The following TCEA3 variants were observed in gnomAD, a reference collection of about 807,000 sequenced individuals.
TCEA3 encodes transcription elongation factor A protein 3.
In TCEA3, 36 loss-of-function variants were observed where a neutral mutation model predicts 44.0. That is an observed-to-expected ratio of 0.82 (90% CI 0.63 to 1.08). The LOEUF is 1.08. Ranked by LOEUF, TCEA3 falls within the 50% of genes least tolerant of loss-of-function variation. The probability of loss-of-function intolerance (pLI) is 0.00; values close to 1 mark genes in which losing one functional copy is unlikely to be tolerated. For synonymous variants in TCEA3, 162 were observed against 159.7 expected (o/e 1.01, Z -0.11); for missense variants, 392 against 441.2 (o/e 0.89, Z 1.00).
At chr1:23,422,763 C>T (rs372137058) in intron 1 of TCEA3, among the ~76,000 whole-genome samples, 2 of 152,302 alleles carry the variant, frequency 1.3e-5, no homozygotes, top group East Asian at 1.9e-4. Flanking sequence ...CTCCAAAAGA[C>T]ACCATTTCCT....
chr1:23,424,527 C>T (rs748781952), intron 1 of TCEA3, 38 bp downstream of exon 1: 2 of 1,579,174 alleles, frequency 1.3e-6, no homozygotes, highest in Admixed American at 1.7e-5. Flanking sequence ...CCGCGCCTCC[C>T]GGGGGCGGGG....
At chr1:23,382,274 G>A (rs141781252) in intron 10 of TCEA3, among the ~76,000 whole-genome samples, 4,466 of 152,036 alleles carry the variant, frequency 0.029, 216 homozygotes, top group African/African-American at 0.1. Flanking sequence ...TCAAACTCCC[G>A]ACCTCAGGTG....
intron 1 of TCEA3, 33 bp downstream of exon 1, chr1:23,424,532 G>T (rs1220060368): frequency 3.1e-6 from 5 of 1,589,684 alleles, no homozygotes; most frequent in African/African-American, 1.3e-5. Flanking sequence ...CCTCCCGGGG[G>T]CGGGGGCCGT....
Position 23,387,331 on chromosome 1 carries a change from G to A in TCEA3, c.908C>T (p.Thr303Ile), listed in dbSNP as rs1350517657. Reference sequence around the variant, plus strand: ...GCTGCACTGGAAGAGGTCAGTGGTGGTGCCGCCAGTCTTGGCCATCTGGTG... The same window carrying A: ...GCTGCACTGGAAGAGGTCAGTGGTGATGCCGCCAGTCTTGGCCATCTGGTG... The part of the protein sequence containing the change: ...REHQMAKTGG[T>I]TTDLFQCSKC... Residue 303 changes from threonine to isoleucine, a missense_variant, in exon 9 of 11, where the codon ACC (threonine) becomes ATC (isoleucine). Thr to Ile is a moderately conservative substitution (Grantham distance 89, BLOSUM62 -1). Coordinates refer to ENST00000450454, the MANE Select transcript of TCEA3 (RefSeq NM_003196.3). 6.2e-7 allele frequency: 1 copy of A among 1,613,796 alleles called. No homozygotes were observed. Among genetic ancestry groups the A allele is most frequent in the Non-Finnish European group, 8.5e-7 (1 of 1,179,878 alleles).
Position 23,381,395 on chromosome 1 carries a change from G to T in TCEA3, c.*71C>A. The T allele has an allele frequency of 1.3e-6, 1 of 774,120 alleles. No homozygotes were observed. Among genetic ancestry groups the T allele is most frequent in the South Asian group, 1.4e-5 (1 of 73,304 alleles). 48.0% of individuals were successfully genotyped at this position (774,120 alleles called of 1,614,324 possible). A position where few individuals can be genotyped will look rare whatever the true frequency, so the allele number is the denominator to read the frequency against. ...ATTTTCCTTCACTTTAATTTTTATT[G>T]CTTCTCCAGTTCAGATAATTCAGCG... On this transcript the variant is annotated 3_prime_UTR_variant, in exon 11 of 11. Coordinates refer to ENST00000450454, the MANE Select transcript of TCEA3 (RefSeq NM_003196.3).
Position 23,394,009 on chromosome 1 carries a change from G to A in TCEA3, c.689C>T (p.Thr230Met), listed in dbSNP as rs773896579. 2.1e-5 allele frequency: 34 copies of A among 1,613,882 alleles called. No individual in the cohort carries two copies. Among genetic ancestry groups the A allele is most frequent in the South Asian group, 8.8e-5 (8 of 91,092 alleles). ...EDHIYQELKS[T>M]DMKYRNRVRS... The stretch of plus-strand genomic sequence containing the variant: ...CACGCGGTTCCGGTACTTCATGTCC[G>A]TGCTCTTGAGCTCTTGGTAGATATG... Residue 230 changes from threonine to methionine, a missense_variant, in exon 8 of 11, where the codon ACG becomes ATG. Physicochemically the swap from Thr to Met is moderately conservative, Grantham distance 81 (BLOSUM62 -1). Coordinates refer to ENST00000450454, the MANE Select transcript of TCEA3 (RefSeq NM_003196.3).
At chr1:23,398,585 A>G (rs949973534) in intron 5 of TCEA3, among the ~76,000 whole-genome samples, 1 of 152,168 alleles carries the variant, frequency 6.6e-6, no homozygotes, top group African/African-American at 2.4e-5. Context: ...AGGCACTTTA[A>G]AAGAATTTTC....
chr1:23,385,014 T>C (rs1392385174), intron 9 of TCEA3, among the ~76,000 whole-genome samples: 1 of 152,152 alleles, frequency 6.6e-6, no homozygotes, highest in African/African-American at 2.4e-5. Context: ...ATCTTCCTTA[T>C]TTTACTGGTG....
At chr1:23,409,736 AG>A (rs1639658278) in intron 4 of TCEA3, among the ~76,000 whole-genome samples, 1 of 151,838 alleles carries the variant, frequency 6.6e-6, no homozygotes, top group East Asian at 2.0e-4. Context: ...CTTAGTAGAG[AG>A]GGGGTTTCAC....
At chr1:23,389,491 A>G (rs1638956671) in intron 8 of TCEA3, among the ~76,000 whole-genome samples, 1 of 150,912 alleles carries the variant, frequency 6.6e-6, no homozygotes, top group African/African-American at 2.4e-5. Context: ...TTCCATCAAA[A>G]AAAAAAAAAA....
At chr1:23,396,438 A>G (rs1639216977) in intron 7 of TCEA3, among the ~76,000 whole-genome samples, 2 of 152,140 alleles carry the variant, frequency 1.3e-5, no homozygotes. Flanking sequence ...CAACAGATCT[A>G]TGAATACATC....
chr1:23,397,440 C>G, intron 7 of TCEA3, 105 bp downstream of exon 7: 1 of 1,020,586 alleles, frequency 9.8e-7, no homozygotes, highest in Non-Finnish European at 1.5e-6. Flanking sequence ...GGGGCTGTTC[C>G]CGGAGCCCTT....
chr1:23,399,999 A>T (rs1375743667), intron 5 of TCEA3, among the ~76,000 whole-genome samples: 2 of 152,056 alleles, frequency 1.3e-5, no homozygotes, highest in African/African-American at 4.8e-5. Context: ...CTTGGCAGAA[A>T]TGATGGAAGT....
intron 4 of TCEA3, 114 bp downstream of exon 4, chr1:23,417,135 T>C: frequency 7.5e-7 from 1 of 1,339,326 alleles, no homozygotes; most frequent in Non-Finnish European, 1.0e-6. Context: ...CAGGAGATAA[T>C]ACCAATATCT....
chr1:23,418,069 C>T, intron 2 of TCEA3, 60 bp from the exon 3 acceptor site: 1 of 1,529,350 alleles, frequency 6.5e-7, no homozygotes, highest in Non-Finnish European at 9.0e-7. Flanking sequence ...TGGCTGCCAT[C>T]ATTGGCAGAT....
chr1:23,417,808 A>G (rs1245980158), intron 3 of TCEA3, 96 bp downstream of exon 3: 2 of 1,131,364 alleles, frequency 1.8e-6, no homozygotes, highest in East Asian at 2.4e-5. Flanking sequence ...AAGTCACTCA[A>G]CAGACATACA....
chr1:23,409,442 T>TA (rs1639649252), intron 4 of TCEA3, among the ~76,000 whole-genome samples: 1 of 152,202 alleles, frequency 6.6e-6, no homozygotes, highest in South Asian at 2.1e-4. Context: ...TTACTGGTTT[T>TA]AAAAAATCAA....
At chr1:23,395,074 G>A (rs569212604) in intron 7 of TCEA3, among the ~76,000 whole-genome samples, 1 of 152,356 alleles carries the variant, frequency 6.6e-6, no homozygotes, top group African/African-American at 2.4e-5. Context: ...AATGAAAACA[G>A]ATGACTTGCT....
intron 5 of TCEA3, among the ~76,000 whole-genome samples, chr1:23,407,202 G>A (rs1466713029): frequency 6.6e-6 from 1 of 152,082 alleles, no homozygotes; most frequent in African/African-American, 2.4e-5. Context: ...CATCCAATCT[G>A]TCAGGAAGTT....
Sources: allele counts gnomAD v4.1 joint callset (sites outside exome capture counted in the v4.1 genomes callset), GRCh38; gene constraint gnomAD v4.1.1; transcripts MANE v1.5; gene names NCBI Gene and HGNC (gene_info 2026-07-23, HGNC 2026-07-21).